PPARGC1A: variants seen among roughly 807,000 people sequenced by gnomAD.
PPARGC1A encodes peroxisome proliferator-activated receptor gamma coactivator 1-alpha.
PPARGC1A carries 25 observed loss-of-function variants against 88.7 expected under a neutral mutation model. The ratio of observed to expected loss-of-function variants is 0.28; its 90% CI spans 0.21 to 0.39. The LOEUF (loss-of-function observed/expected upper bound fraction) is 0.39. Ranked by LOEUF, PPARGC1A falls within the 10% of genes least tolerant of loss-of-function variation. The probability of loss-of-function intolerance (pLI) is 1.00; values close to 1 mark genes in which losing one functional copy is unlikely to be tolerated. For synonymous variants in PPARGC1A, 363 were observed against 355.6 expected, an observed-to-expected ratio of 1.02 and a Z score of -0.24; for missense variants, 880 against 968.7, an observed-to-expected ratio of 0.91 and a Z score of 1.22.
At chr4:24,371,717 G>C in the PPARGC1A span, among the ~76,000 whole-genome samples, 3 of 150,832 alleles carry the variant, frequency 2.0e-5, no homozygotes, top group Non-Finnish European at 4.4e-5. Flanking sequence ...GAGGCGGGAG[G>C]ATCACCTGAG....
Position 23,795,766 on chromosome 4 carries a change from C to A in PPARGC1A, c.*56G>T. 3.7e-6 allele frequency: 5 copies of A among 1,351,346 alleles called. No individual in the cohort carries two copies. The highest frequency in any genetic ancestry group is 5.1e-6 in the Non-Finnish European group (5 of 973,188). 83.7% of individuals were successfully genotyped at this position (1,351,346 alleles called of 1,614,324 possible). ...ACTTGCAATAGTCTTTAGGGAAGGA[C>A]GCGCTGTCCCATGAGGTATTCGCCA... On this transcript the variant is annotated 3_prime_UTR_variant, in exon 13 of 13. Transcript: ENST00000264867.
chr4:24,138,628 C>CAAATCACTG, the PPARGC1A span, among the ~76,000 whole-genome samples: 1 of 152,144 alleles, frequency 6.6e-6, no homozygotes, highest in South Asian at 2.1e-4. Flanking sequence ...GAAGTCTTAG[C>CAAATCACTG]AAGCCTAACA....
chr4:24,383,675 G>GA, the PPARGC1A span, among the ~76,000 whole-genome samples: 9 of 152,106 alleles, frequency 5.9e-5, no homozygotes, highest in African/African-American at 2.2e-4. Context: ...CAAGACTAGA[G>GA]AAAAAACAAT....
intron 2 of PPARGC1A, chr4:23,883,548 G>T (rs2148829243): frequency 6.6e-6 from 1 of 152,188 alleles, no homozygotes; most frequent in East Asian, 1.9e-4. Flanking sequence ...GTGTGATTTG[G>T]GGAAAACAAA....
chr4:24,165,473 T>A, the PPARGC1A span, among the ~76,000 whole-genome samples: 2 of 152,132 alleles, frequency 1.3e-5, no homozygotes, highest in Non-Finnish European at 2.9e-5. Flanking sequence ...AATACATTGT[T>A]TTATTGTGCT....
At chr4:24,040,046 A>G in the PPARGC1A span, among the ~76,000 whole-genome samples, 2 of 152,230 alleles carry the variant, frequency 1.3e-5, no homozygotes, top group Non-Finnish European at 2.9e-5. Context: ...GACAGTATAC[A>G]TATACAGTAT....
At chr4:24,253,309 A>G in the PPARGC1A span, among the ~76,000 whole-genome samples, 1 of 152,200 alleles carries the variant, frequency 6.6e-6, no homozygotes, top group African/African-American at 2.4e-5. Flanking sequence ...GAGACTAAGA[A>G]TTTAGGAAGC....
chr4:24,105,240 G>A, the PPARGC1A span, among the ~76,000 whole-genome samples: 1 of 152,146 alleles, frequency 6.6e-6, no homozygotes, highest in Non-Finnish European at 1.5e-5. Context: ...TTTATCCCAC[G>A]TTACAGAGGA....
the PPARGC1A span, among the ~76,000 whole-genome samples, chr4:24,218,607 G>A: frequency 0.027 from 4,057 of 152,302 alleles, 76 homozygotes; most frequent in Non-Finnish European, 0.038. Flanking sequence ...ATTTAGAAGA[G>A]TGGCTGAGAG....
At chr4:23,924,883 G>A in the PPARGC1A span, among the ~76,000 whole-genome samples, 3 of 152,122 alleles carry the variant, frequency 2.0e-5, no homozygotes, top group African/African-American at 7.2e-5. Flanking sequence ...CAGGAGAAAG[G>A]TGGATTCCTA....
At chr4:24,186,687 C>T in the PPARGC1A span, among the ~76,000 whole-genome samples, 7 of 152,000 alleles carry the variant, frequency 4.6e-5, no homozygotes, top group African/African-American at 1.7e-4. Context: ...TTTTGAGTAC[C>T]CATTGGAGCC....
At chr4:24,145,944 G>A in the PPARGC1A span, among the ~76,000 whole-genome samples, 3 of 152,296 alleles carry the variant, frequency 2.0e-5, no homozygotes, top group African/African-American at 7.2e-5. Context: ...TGTTGGGAGA[G>A]GCAGGTCCCA....
the PPARGC1A span, among the ~76,000 whole-genome samples, chr4:24,169,369 A>G: frequency 6.6e-6 from 1 of 152,144 alleles, no homozygotes; most frequent in Admixed American, 6.6e-5. Context: ...TGTGAGGTAT[A>G]AAAACCAGAA....
the PPARGC1A span, among the ~76,000 whole-genome samples, chr4:24,283,265 CT>C: frequency 0.012 from 1,763 of 152,268 alleles, 36 homozygotes; most frequent in East Asian, 0.1. Flanking sequence ...CGACCTCCCA[CT>C]GGGTTATGGC....
chr4:24,278,586 A>C, the PPARGC1A span, among the ~76,000 whole-genome samples: 1 of 152,164 alleles, frequency 6.6e-6, no homozygotes, highest in African/African-American at 2.4e-5. Context: ...ACACAGGCTC[A>C]GTCCCTTCTG....
the PPARGC1A span, among the ~76,000 whole-genome samples, chr4:24,316,698 G>A: frequency 6.6e-6 from 1 of 152,206 alleles, no homozygotes; most frequent in Non-Finnish European, 1.5e-5. Flanking sequence ...CACGTCATCA[G>A]CTGCAGAATG....
the PPARGC1A span, among the ~76,000 whole-genome samples, chr4:24,168,040 C>G: frequency 6.6e-6 from 1 of 152,172 alleles, no homozygotes; most frequent in Non-Finnish European, 1.5e-5. Context: ...CAGGCATGAG[C>G]CACCACACTC....
the PPARGC1A span, among the ~76,000 whole-genome samples, chr4:23,913,242 T>TTATATATA: frequency 1.3e-4 from 12 of 94,610 alleles, no homozygotes; most frequent in East Asian, 3.4e-4. Context: ...ATTATATATT[T>TTATATATA]TATATATATA....
At chr4:23,923,625 T>A in the PPARGC1A span, among the ~76,000 whole-genome samples, 1 of 152,156 alleles carries the variant, frequency 6.6e-6, no homozygotes, top group South Asian at 2.1e-4. Context: ...CAAAGAGCTG[T>A]CAGAATACAA....
Sources: allele counts gnomAD v4.1 joint callset (sites outside exome capture counted in the v4.1 genomes callset), GRCh38; gene constraint gnomAD v4.1.1; transcripts MANE v1.5; gene names NCBI Gene and HGNC (gene_info 2026-07-23, HGNC 2026-07-21).